The following PERM1 variants were observed in gnomAD, a reference collection of about 807,000 sequenced individuals.
PERM1 encodes the protein PPARGC1 and ESRR induced regulator, muscle 1.
In PERM1, 45 loss-of-function variants were observed where a neutral mutation model predicts 44.1. The ratio of observed to expected loss-of-function variants is 1.02; its 90% CI spans 0.80 to 1.31. PERM1 has a LOEUF of 1.31. PERM1 is among the 50% of genes most tolerant of loss of function. The pLI is 0.00. For synonymous variants in PERM1, 565 were observed against 477.1 expected (o/e 1.18, Z -2.40); for missense variants, 1,189 against 1,106.9 (o/e 1.07, Z -1.05).
chr1:979,904 G>C (rs1182141739), exon 1 of PERM1: 4 of 1,549,970 alleles, frequency 2.6e-6, no homozygotes, highest in Non-Finnish European at 3.5e-6. Flanking sequence ...TCAGAAGCTG[G>C]TGTAGACACA....
chr1:978,832 C>A, intron 1 of PERM1, 49 bp downstream of exon 2: 2 of 1,419,976 alleles, frequency 1.4e-6, no homozygotes, highest in Non-Finnish European at 1.9e-6. Flanking sequence ...GATCCCTGGA[C>A]AGTGTGTGCC....
At chr1:979,595 G>T in exon 1 of PERM1, 1 of 1,550,128 alleles carries the variant, frequency 6.5e-7, no homozygotes, top group Non-Finnish European at 8.7e-7. Flanking sequence ...CCTGCTGAGG[G>T]CTCAGACACA....
chr1:982,068 G>A (rs1643802417), upstream of PERM1: 1 of 1,288,340 alleles, frequency 7.8e-7, no homozygotes, highest in Non-Finnish European at 1.0e-6. Context: ...GTCCTACCTG[G>A]GTCCCGGCGG....
chr1:975,811 G>C (rs1478944147), exon 3 of PERM1: 2 of 230,782 alleles, frequency 8.7e-6, no homozygotes, highest in South Asian at 7.0e-5. Context: ...GCAGGGTGCG[G>C]TTGCATTTGA....
At chr1:980,217 G>A in exon 1 of PERM1, 2 of 1,550,438 alleles carry the variant, frequency 1.3e-6, no homozygotes, top group South Asian at 2.4e-5. Flanking sequence ...CTCGGCGCGG[G>A]GTTCTGATTT....
chr1:979,159 C>T, exon 1 of PERM1: 1 of 1,550,070 alleles, frequency 6.5e-7, no homozygotes, highest in Non-Finnish European at 8.7e-7. Flanking sequence ...CCTCTGGGCT[C>T]CAACGTCTGG....
upstream of PERM1, chr1:981,923 C>T (rs1431049680): frequency 2.6e-5 from 16 of 613,904 alleles, no homozygotes; most frequent in African/African-American, 3.9e-5. Context: ...TTGGTGGGGA[C>T]GGTCCTGAGA....
At chr1:980,422 T>G (rs2100506116) in exon 1 of PERM1, 2 of 1,549,084 alleles carry the variant, frequency 1.3e-6, no homozygotes, top group East Asian at 4.9e-5. Context: ...GGAGCCCGTC[T>G]GGGCAGAAGC....
intron 1 of PERM1, among the ~76,000 whole-genome samples, chr1:978,318 C>T (rs115113522): frequency 0.015 from 2,303 of 150,856 alleles, 65 homozygotes; most frequent in African/African-American, 0.054. Flanking sequence ...ACCCTGGACA[C>T]GTCTTCCCGA....
chr1:981,579 G>T (rs1643793616), upstream of PERM1, among the ~76,000 whole-genome samples: 1 of 152,262 alleles, frequency 6.6e-6, no homozygotes, highest in African/African-American at 2.4e-5. Flanking sequence ...GGGCCCAGCA[G>T]GTGCCCAGCC....
chr1:980,743 AG>A lies in PERM1; in HGVS notation c.286del (p.Leu96TrpfsTer124). On this transcript the variant is annotated frameshift_variant, in exon 1 of 3. Coordinates refer to ENST00000433179, the Ensembl canonical transcript of PERM1. LOFTEE classifies it high-confidence loss of function. ...GCTGGGTGTCTGCTGACCGGTCCCC[AG>A]GGCCAAGACAGGCTCACCCTGAGAC... The A allele has an allele frequency of 7.1e-7, 1 of 1,408,990 alleles. No homozygotes were observed. The highest frequency in any genetic ancestry group is 9.2e-7 in the Non-Finnish European group (1 of 1,088,708). The allele number at this position is 1,408,990 out of a possible 1,614,324, so 87.3% of individuals were successfully genotyped here. A position where few individuals can be genotyped will look rare whatever the true frequency, so the allele number is the denominator to read the frequency against.
intron 2 of PERM1, 39 bp downstream of exon 3, chr1:976,460 C>T (rs1643610241): frequency 6.5e-7 from 1 of 1,549,140 alleles, no homozygotes; most frequent in African/African-American, 1.4e-5. Flanking sequence ...CTCGGTCTGG[C>T]TTCTAGGCGC....
At chr1:976,536 C>A (rs74045046) in exon 2 of PERM1, 1 of 1,549,374 alleles carries the variant, frequency 6.5e-7, no homozygotes, top group Non-Finnish European at 8.7e-7. Flanking sequence ...GATCTGACGT[C>A]CTCACAGCCC....
Position 976,481 on chromosome 1 carries a change from GC to G in PERM1, c.2275+17del. On this transcript the variant is annotated intron_variant, in intron 2 of 2. Transcript: ENST00000433179. ...CTGGCTTCTAGGCGCAGCTCCCTCT[GC>G]CCCCAGGCACCCAAACCTGTTTTCC... 6.5e-7 allele frequency: 1 copy of G among 1,549,448 alleles called. No homozygotes were observed. The highest frequency in any genetic ancestry group is 8.7e-7 in the Non-Finnish European group (1 of 1,146,372).
chr1:976,105 C>A, exon 3 of PERM1: 1 of 1,477,024 alleles, frequency 6.8e-7, no homozygotes, highest in Non-Finnish European at 9.1e-7. Flanking sequence ...GAGGGCGGCA[C>A]CTCGTCCTGC....
Position 979,178 on chromosome 1 carries a change from AC to A in PERM1, c.1851del (p.Glu617AspfsTer90), listed in dbSNP as rs1451563975. On this transcript the variant is annotated frameshift_variant, in exon 1 of 3. Coordinates refer to ENST00000433179, the Ensembl canonical transcript of PERM1. LOFTEE classifies it high-confidence loss of function. ...TGGGCTCCAACGTCTGGGAAGAAGA[AC>A]TCGCACATGTCCGGCCACTGGACGC... 17 of 1,549,752 alleles carry A rather than the reference AC, an allele frequency of 1.1e-5. No individual in the cohort carries two copies. In the African/African-American group the frequency reaches 2.3e-4, roughly 21 times the overall value.
chr1:980,191 A>G, exon 1 of PERM1: 2 of 1,550,384 alleles, frequency 1.3e-6, no homozygotes, highest in Non-Finnish European at 1.7e-6. Context: ...AGTCGTGGAC[A>G]CTGTGTGCAG....
chr1:978,882 T>C (rs889849135), exon 1 of PERM1: 17 of 1,483,006 alleles, frequency 1.1e-5, no homozygotes, highest in Non-Finnish European at 1.5e-5. Flanking sequence ...AGCACGTACC[T>C]GCCCGTCTAA....
exon 1 of PERM1, chr1:979,118 G>C: frequency 6.5e-7 from 1 of 1,549,950 alleles, no homozygotes; most frequent in Non-Finnish European, 8.7e-7. Flanking sequence ...TCAGCTCTCG[G>C]GAGCGGCTCC....
Sources: gnomAD v4.1 joint callset for allele counts (sites outside exome capture counted in the v4.1 genomes callset) on GRCh38, gnomAD v4.1.1 for gene constraint, MANE v1.5 for transcripts, NCBI Gene and HGNC (gene_info 2026-07-23, HGNC 2026-07-21) for gene names.